PDZRN4: variants seen among roughly 807,000 people sequenced by gnomAD.
The protein encoded by PDZRN4 is PDZ domain-containing RING finger protein 4.
In PDZRN4, 70 loss-of-function variants were observed where a neutral mutation model predicts 99.0. The ratio of observed to expected loss-of-function variants is 0.71; its 90% confidence interval spans 0.58 to 0.86. PDZRN4 has a LOEUF of 0.86. Among genes scored for constraint, PDZRN4 ranks in the 40% least tolerant of loss-of-function variants. The pLI, the probability that PDZRN4 is intolerant of heterozygous loss-of-function variation, is 0.00. For synonymous variants in PDZRN4, 551 were observed against 501.6 expected, an observed-to-expected ratio of 1.10 and a Z score of -1.32; for missense variants, 1,474 against 1,331.2, an observed-to-expected ratio of 1.11 and a Z score of -1.67.
chr12:41,423,456 C>A (rs1212909673), intron 3 of PDZRN4, among the ~76,000 whole-genome samples: 1 of 152,080 alleles, frequency 6.6e-6, no homozygotes, highest in African/African-American at 2.4e-5. Context: ...CCATCCATGT[C>A]TCCGCAAAGG....
At chr12:41,472,248 C>T (rs947612614) in intron 3 of PDZRN4, among the ~76,000 whole-genome samples, 2 of 152,096 alleles carry the variant, frequency 1.3e-5, no homozygotes, top group Non-Finnish European at 2.9e-5. Flanking sequence ...GGTGATCCAC[C>T]CACCTTGGCC....
chr12:41,286,333 CTTCTT>C (rs1307796591), intron 3 of PDZRN4, among the ~76,000 whole-genome samples: 4 of 99,120 alleles, frequency 4.0e-5, no homozygotes, highest in South Asian at 4.1e-4. Flanking sequence ...TTTCCTTCTT[CTTCTT>C]TTTTTTTTTT....
chr12:41,304,526 T>C (rs1226227171), intron 3 of PDZRN4, among the ~76,000 whole-genome samples: 1 of 152,204 alleles, frequency 6.6e-6, no homozygotes, highest in African/African-American at 2.4e-5. Context: ...TTGTTTGTAC[T>C]TCAGCCTTTT....
chr12:41,279,965 AAGGCCCATGCAG>A (rs1217851335), intron 3 of PDZRN4, among the ~76,000 whole-genome samples: 99 of 152,284 alleles, frequency 6.5e-4, no homozygotes, highest in African/African-American at 2.4e-3. Context: ...AGCTCCCAGC[AAGGCCCATGCAG>A]AAGGTGGGTG....
intron 3 of PDZRN4, among the ~76,000 whole-genome samples, chr12:41,278,653 AC>A (rs1951364954): frequency 6.6e-6 from 1 of 152,192 alleles, no homozygotes; most frequent in South Asian, 2.1e-4. Flanking sequence ...AAAATTCCCT[AC>A]CTCATTCAAA....
intron 3 of PDZRN4, among the ~76,000 whole-genome samples, chr12:41,208,771 G>A (rs960736573): frequency 6.6e-6 from 1 of 151,810 alleles, no homozygotes; most frequent in African/African-American, 2.4e-5. Context: ...TGGGTAGAAG[G>A]CATTATTAAG....
intron 3 of PDZRN4, among the ~76,000 whole-genome samples, chr12:41,217,740 A>C (rs1950930718): frequency 6.6e-6 from 1 of 152,116 alleles, no homozygotes; most frequent in Non-Finnish European, 1.5e-5. Flanking sequence ...AAGGGAACAT[A>C]CAGACACCTT....
chr12:41,490,502 A>C lies in PDZRN4; in HGVS notation c.844-15954A>C, dbSNP rs139962050. Among the ~76,000 whole-genome samples the C allele has an allele frequency of 1.1e-3, 165 of 152,278 alleles. 2 individuals carry two copies. The highest frequency in any genetic ancestry group is 3.6e-3 in the African/African-American group (150 of 41,570). ...GCCATGTCGATTACAAAGTATTAGA[A>C]ATAATTTGTGTATTTTGTTGACTTC... is the stretch of plus-strand genomic sequence containing the variant. On this transcript the variant is annotated intron_variant, in intron 3 of 9. Transcript: ENST00000402685.
chr12:41,523,296 C>G (rs1938523253), intron 5 of PDZRN4, among the ~76,000 whole-genome samples: 2 of 152,100 alleles, frequency 1.3e-5, no homozygotes, highest in East Asian at 1.9e-4. Flanking sequence ...GCTGAAAGGT[C>G]CCTCTCATGT....
At chr12:41,196,849 G>A (rs1315473747) in intron 3 of PDZRN4, among the ~76,000 whole-genome samples, 1 of 151,974 alleles carries the variant, frequency 6.6e-6, no homozygotes, top group Non-Finnish European at 1.5e-5. Context: ...TCTGTTTTGT[G>A]ATCAAAGATT....
rs546367925 is a variant in PDZRN4, at chr12:41,262,867, A to G, written c.843+68679A>G. ...AAGATGTCGGCGTTTCTAGAATTCA[A>G]TTGAAGACAAATCTTAAAGATTAAT... On this transcript the variant is annotated intron_variant, in intron 3 of 9. Coordinates refer to ENST00000402685, the MANE Select transcript of PDZRN4 (RefSeq NM_001164595.2). Among the ~76,000 whole-genome samples the G allele has an allele frequency of 2.2e-3, 340 of 152,300 alleles. 3 individuals are homozygous for G. Among genetic ancestry groups the G allele is most frequent in the African/African-American group, 7.8e-3 (326 of 41,564 alleles).
chr12:41,235,572 G>A (rs1367849614), intron 3 of PDZRN4, among the ~76,000 whole-genome samples: 1 of 152,104 alleles, frequency 6.6e-6, no homozygotes, highest in Non-Finnish European at 1.5e-5. Context: ...AGACACATAA[G>A]TTAATTTAAA....
At chr12:41,461,179 C>A (rs1396669914) in intron 3 of PDZRN4, among the ~76,000 whole-genome samples, 2 of 151,384 alleles carry the variant, frequency 1.3e-5, no homozygotes, top group Admixed American at 1.3e-4. Flanking sequence ...CATAAAACAA[C>A]CATTGTGCTG....
chr12:41,355,164 T>C (rs992064928), intron 3 of PDZRN4, among the ~76,000 whole-genome samples: 2 of 152,094 alleles, frequency 1.3e-5, no homozygotes, highest in African/African-American at 2.4e-5. Context: ...ATCGGAACTC[T>C]GGTTCAAGAA....
intron 3 of PDZRN4, among the ~76,000 whole-genome samples, chr12:41,345,240 T>C (rs1033061399): frequency 3.9e-5 from 6 of 152,204 alleles, no homozygotes; most frequent in African/African-American, 7.2e-5. Flanking sequence ...TAGTCAGTGA[T>C]TGATGCTGCA....
At chr12:41,307,411 G>A (rs1951578242) in intron 3 of PDZRN4, among the ~76,000 whole-genome samples, 1 of 152,036 alleles carries the variant, frequency 6.6e-6, no homozygotes, top group South Asian at 2.1e-4. Context: ...TCTCTCACTT[G>A]TTCTTCTTAA....
Position 41,222,315 on chromosome 12 carries a change from G to A in PDZRN4, c.843+28127G>A, listed in dbSNP as rs369668614. 3.9e-4 allele frequency among the ~76,000 whole-genome samples: 60 copies of A among 152,112 alleles called. 1 individual carries two copies. The highest frequency in any genetic ancestry group is 1.3e-3 in the African/African-American group (56 of 41,492). On this transcript the variant is annotated intron_variant, in intron 3 of 9. Transcript: ENST00000402685. ...GTGCACATTTTGGAATGTCCTTTTCGGCATTTCTTTTCCCTGTCCACCTCA... is the reference window on the plus strand; with the variant it reads ...GTGCACATTTTGGAATGTCCTTTTCAGCATTTCTTTTCCCTGTCCACCTCA...
rs1592119732 is a variant in PDZRN4, at chr12:41,573,501, G to T, written c.2722G>T (p.Asp908Tyr). Residue 908 changes from aspartate to tyrosine, a missense_variant, in exon 10 of 10, where the codon GAC (aspartate) becomes TAC (tyrosine). Coordinates refer to ENST00000402685, the MANE Select transcript of PDZRN4 (RefSeq NM_001164595.2). ...GTACATCACAAAGAGACCCGTGCGA[G>T]ACCGAATCCTGAAGGAACGTGCCTT... ...TRYITKRPVR[D>Y]RILKERALKI... 3.7e-6 allele frequency: 6 copies of T among 1,614,022 alleles called. No individual in the cohort carries two copies. In the East Asian group the frequency reaches 1.3e-4, roughly 36 times the overall value.
chr12:41,493,907 G>A (rs995500374), intron 3 of PDZRN4, among the ~76,000 whole-genome samples: 7 of 148,310 alleles, frequency 4.7e-5, no homozygotes, highest in African/African-American at 1.5e-4. Context: ...ATAATGGGGG[G>A]GGGGATTCTC....
Sources: gnomAD v4.1 joint callset for allele counts (sites outside exome capture counted in the v4.1 genomes callset) on GRCh38, gnomAD v4.1.1 for gene constraint, MANE v1.5 for transcripts, NCBI Gene and HGNC (gene_info 2026-07-23, HGNC 2026-07-21) for gene names.